The following CSRNP1 variants were observed in gnomAD, a reference collection of about 807,000 sequenced individuals.
CSRNP1 encodes the protein cysteine and serine rich nuclear protein 1.
CSRNP1 carries 8 observed loss-of-function variants against 25.0 expected under a neutral mutation model. That is an observed-to-expected ratio of 0.32 (90% confidence interval 0.19 to 0.58). The LOEUF is 0.58. Ranked by LOEUF, CSRNP1 falls within the 20% of genes least tolerant of loss-of-function variation. The probability of loss-of-function intolerance (pLI) is 0.88; values close to 1 mark genes in which losing one functional copy is unlikely to be tolerated. For synonymous variants in CSRNP1, 305 were observed against 303.1 expected (o/e 1.01, Z -0.06); for missense variants, 691 against 773.1 (o/e 0.89, Z 1.26).
At chr3:39,144,941 G>C in intron 3 of CSRNP1, 56 bp downstream of exon 3, 1 of 1,541,108 alleles carries the variant, frequency 6.5e-7, no homozygotes, top group South Asian at 1.2e-5. Context: ...CACCCCTCAA[G>C]GTTAGGACTC....
chr3:39,144,221 T>C lies in CSRNP1; in HGVS notation c.696A>G (p.Gln232=), dbSNP rs1356830070. The change falls in exon 4 of 5, where the codon CAA becomes CAG. Residue 232 remains glutamine, a synonymous_variant. Transcript: ENST00000273153. ...AGTGACAGCCACAATCCTCCCGGGA[T>C]TGGCGCAGTGCCTGCAGCTCCCGCT... ...EEKRELQALR[Q]SREDCGCHCD... is the part of the protein sequence containing the mutation. 1.9e-6 allele frequency: 3 copies of C among 1,613,984 alleles called. No individual in the cohort carries two copies. Among genetic ancestry groups the C allele is most frequent in the Admixed American group, 3.3e-5 (2 of 59,986 alleles).
rs114476095 is a variant in CSRNP1, at chr3:39,147,351, C to T, written c.-40-629G>A. Among the ~76,000 whole-genome samples, 286 of 152,276 alleles carry T rather than the reference C, an allele frequency of 1.9e-3. 2 individuals are homozygous for T. Among genetic ancestry groups the T allele is most frequent in the African/African-American group, 6.7e-3 (277 of 41,532 alleles). On this transcript the variant is annotated intron_variant, in intron 1 of 4. Coordinates refer to ENST00000273153, the MANE Select transcript of CSRNP1 (RefSeq NM_033027.4). The stretch of plus-strand genomic sequence containing the variant: ...CCAAACAGGCACGCCACTCTGCACA[C>T]AGGCAGGGCTGCGGGCCCTTGCTCC...
chr3:39,145,150 G>T lies in CSRNP1; in HGVS notation c.312C>A (p.Pro104=). ...TACCCAGAGTACAGCCACCACGGCT[G>T]GGCACACTGGTGAAGCCCTGGCAGC... ...FPRCQGFTSV[P]SRGGCTLGMA... The change falls in exon 3 of 5, where the codon CCC becomes CCA. Residue 104 remains proline (P), a synonymous_variant. Coordinates refer to ENST00000273153, the MANE Select transcript of CSRNP1 (RefSeq NM_033027.4). The T allele has an allele frequency of 6.2e-7, 1 of 1,614,284 alleles. No individual in the cohort carries two copies. Among genetic ancestry groups the T allele is most frequent in the Non-Finnish European group, 8.5e-7 (1 of 1,180,046 alleles).
At chr3:39,147,040 AC>A (rs2039522430) in intron 1 of CSRNP1, among the ~76,000 whole-genome samples, 1 of 28,084 alleles carries the variant, frequency 3.6e-5, no homozygotes, top group Non-Finnish European at 7.0e-5. Context: ...TTACATACAT[AC>A]ACAAAACACA....
Position 39,142,911 on chromosome 3 carries a change from G to T in CSRNP1, c.*144C>A. Reference sequence around the variant, plus strand: ...GTTAAAACAAATAAATAAATCCAGAGAATTGTTTGAAAACCAGGAGTGTGC... The same window carrying T: ...GTTAAAACAAATAAATAAATCCAGATAATTGTTTGAAAACCAGGAGTGTGC... On this transcript the variant is annotated 3_prime_UTR_variant, in exon 5 of 5. Transcript: ENST00000273153. 2.2e-6 allele frequency: 2 copies of T among 915,584 alleles called. No homozygotes were observed. The highest frequency in any genetic ancestry group is 3.3e-6 in the Non-Finnish European group (2 of 612,262). The allele number at this position is 915,584 out of a possible 1,614,324, so 56.7% of individuals were successfully genotyped here. A position where few individuals can be genotyped will look rare whatever the true frequency, so the allele number is the denominator to read the frequency against.
At position 39,144,134 on chromosome 3, in the gene CSRNP1, C is replaced by A; in HGVS notation, c.780+3G>T. ...GATCCCCATCCCAGTCCAGCCACCACACCTGGCACTTGATGCCTGCCAGGC... is the reference window on the plus strand; with the variant it reads ...GATCCCCATCCCAGTCCAGCCACCAAACCTGGCACTTGATGCCTGCCAGGC... On this transcript the variant is annotated splice_donor_region_variant and intron_variant, in intron 4 of 4. Transcript: ENST00000273153. 6.2e-7 allele frequency: 1 copy of A among 1,611,674 alleles called. No individual in the cohort carries two copies. Among genetic ancestry groups the A allele is most frequent in the Non-Finnish European group, 8.5e-7 (1 of 1,178,484 alleles).
chr3:39,146,868 G>C (rs901022714), intron 1 of CSRNP1, 146 bp from the exon 2 acceptor site: 8 of 1,113,096 alleles, frequency 7.2e-6, no homozygotes, highest in African/African-American at 3.2e-5. Flanking sequence ...AGCTCTGTGT[G>C]GGGGAGGGCA....
intron 1 of CSRNP1, 99 bp from the exon 2 acceptor site, chr3:39,146,821 C>G (rs1403676272): frequency 1.6e-5 from 23 of 1,456,130 alleles, no homozygotes; most frequent in Non-Finnish European, 2.1e-5. Context: ...CCAAGGCATC[C>G]CAGACCCTGG....
At chr3:39,144,807 C>T (rs1049279683) in intron 3 of CSRNP1, among the ~76,000 whole-genome samples, 190 bp downstream of exon 3, 13 of 152,120 alleles carry the variant, frequency 8.5e-5, no homozygotes, top group African/African-American at 2.9e-4. Context: ...AGACACGAGC[C>T]CTCCTCTGCG....
rs764656490 is a variant in CSRNP1, at chr3:39,144,326, G to A, written c.591C>T (p.Ser197=). The A allele has an allele frequency of 6.2e-7, 1 of 1,614,176 alleles. No homozygotes were observed. Among genetic ancestry groups the A allele is most frequent in the Admixed American group, 1.7e-5 (1 of 60,036 alleles). The change falls in exon 4 of 5, where the codon AGC becomes AGT. Residue 197 remains serine (S), a synonymous_variant. Transcript: ENST00000273153. ...AVAGGRLEEV[S]FLQPYPARRR... The stretch of plus-strand genomic sequence containing the variant: ...GCCGGGCTGGGTAGGGCTGTAGGAA[G>A]CTCACTTCTTCCAACCGGCCACCTG...
intron 1 of CSRNP1, chr3:39,151,572 T>A (rs1559734731): frequency 6.6e-6 from 1 of 152,458 alleles, no homozygotes; most frequent in South Asian, 2.1e-4. Context: ...GCTGCCTCCA[T>A]CCCCCTTCAG....
chr3:39,147,336 A>C (rs1238275846), intron 1 of CSRNP1, among the ~76,000 whole-genome samples: 5 of 151,974 alleles, frequency 3.3e-5, no homozygotes. Flanking sequence ...CCAAACAGGC[A>C]CGCCACTCTG....
At chr3:39,146,450 T>C in intron 2 of CSRNP1, 28 bp downstream of exon 2, 2 of 1,495,744 alleles carry the variant, frequency 1.3e-6, no homozygotes, top group Non-Finnish European at 1.8e-6. Context: ...AGGCAGGTGA[T>C]GGAGTTCCCA....
chr3:39,143,073 C>T lies in CSRNP1; in HGVS notation c.1752G>A (p.Met584Ile), dbSNP rs762320018. The T allele has an allele frequency of 1.3e-6, 2 of 1,592,850 alleles. No homozygotes were observed. The highest frequency in any genetic ancestry group is 2.2e-5 in the South Asian group (2 of 89,186). ...QFEDTVPASL[M>I]EPVPV ...CTGGTCCTCACACCGGCACAGGCTC[C>T]ATTAGAGATGCTGGGACAGTGTCCT... is the stretch of plus-strand genomic sequence containing the variant. The change falls in exon 5 of 5, where the codon ATG becomes ATA. Residue 584 changes from methionine (M) to isoleucine (I), a missense_variant. Met to Ile is a conservative substitution (Grantham distance 10). Transcript: ENST00000273153.
intron 1 of CSRNP1, among the ~76,000 whole-genome samples, chr3:39,147,005 C>T (rs539082447): frequency 6.6e-6 from 1 of 151,842 alleles, no homozygotes; most frequent in Admixed American, 6.6e-5. Flanking sequence ...CAGGCACCTT[C>T]CCCACTACCT....
intron 1 of CSRNP1, among the ~76,000 whole-genome samples, chr3:39,147,417 T>C (rs527310251): frequency 2.1e-4 from 32 of 152,232 alleles, no homozygotes; most frequent in South Asian, 4.2e-4. Context: ...GGCTTTGACG[T>C]TGGCCTCCAT....
chr3:39,147,100 A>G (rs1267272443), intron 1 of CSRNP1, among the ~76,000 whole-genome samples: 1 of 152,178 alleles, frequency 6.6e-6, no homozygotes, highest in Non-Finnish European at 1.5e-5. Context: ...AAGGAGGCAG[A>G]CAGACCAACA....
chr3:39,145,827 A>T (rs1456861379), intron 2 of CSRNP1, among the ~76,000 whole-genome samples: 2 of 152,252 alleles, frequency 1.3e-5, no homozygotes, highest in Non-Finnish European at 2.9e-5. Context: ...TAAAAATTAT[A>T]TTCTTTTTAT....
In CSRNP1 at chr3:39,143,451, G is replaced by A; in HGVS notation, c.1374C>T (p.Ala458=). ...TTAGGAAGCAGCTGGCATCCAGGTT[G>A]GCATTCTCATCCAGGACGCCTGATG... is the stretch of plus-strand genomic sequence containing the variant. The part of the protein sequence containing the change: ...SFTSGVLDEN[A]NLDASCFLNG... Residue 458 remains alanine, a synonymous_variant, in exon 5 of 5, where the codon GCC becomes GCT. Transcript: ENST00000273153. The A allele has an allele frequency of 6.2e-7, 1 of 1,614,156 alleles. No individual in the cohort carries two copies.
Sources: allele counts gnomAD v4.1 joint callset (sites outside exome capture counted in the v4.1 genomes callset), GRCh38; gene constraint gnomAD v4.1.1; transcripts MANE v1.5; gene names NCBI Gene and HGNC (gene_info 2026-07-23, HGNC 2026-07-21).